The following NPHP4 variants were observed in gnomAD, a reference collection of about 807,000 sequenced individuals.
NPHP4 encodes the protein nephrocystin-4.
A neutral mutation model predicts 155.8 loss-of-function variants in NPHP4; 151 were observed. The ratio of observed to expected loss-of-function variants is 0.97; its 90% CI spans 0.85 to 1.11. NPHP4 has a LOEUF of 1.11. NPHP4 is among the 50% of genes least tolerant of loss of function. The pLI, the probability that NPHP4 is intolerant of heterozygous loss-of-function variation, is 0.00. For missense variants in NPHP4, 1,956 were observed against 1,925.7 expected (o/e 1.02, Z -0.29); for synonymous variants, 845 against 816.8 (o/e 1.03, Z -0.59).
At chr1:5,986,442 C>T in intron 1 of NPHP4, 115 bp from the exon 2 acceptor site, 1 of 820,408 alleles carries the variant, frequency 1.2e-6, no homozygotes. Context: ...CCCCCAAACC[C>T]ACACTCTGCA....
At chr1:5,941,110 A>G (rs1009669612) in intron 9 of NPHP4, among the ~76,000 whole-genome samples, 2 of 152,162 alleles carry the variant, frequency 1.3e-5, no homozygotes, top group Non-Finnish European at 2.9e-5. Flanking sequence ...AGGGCAGCCC[A>G]TGAGAGTAAA....
intron 16 of NPHP4, among the ~76,000 whole-genome samples, chr1:5,895,360 C>T (rs1395258575): frequency 6.6e-6 from 1 of 151,862 alleles, no homozygotes; most frequent in African/African-American, 2.4e-5. Context: ...ATTAGCTGGG[C>T]ATGGTGGCAG....
chr1:5,894,766 A>G (rs568311609), intron 16 of NPHP4, among the ~76,000 whole-genome samples: 8 of 152,350 alleles, frequency 5.3e-5, no homozygotes, highest in African/African-American at 1.9e-4. Context: ...CACAAAATTT[A>G]ATCAATTAGA....
chr1:5,973,007 C>G (rs757175775), intron 3 of NPHP4, among the ~76,000 whole-genome samples: 5 of 152,322 alleles, frequency 3.3e-5, no homozygotes, highest in South Asian at 2.1e-4. Flanking sequence ...GCCTCAGCCT[C>G]CCAAGTAGCT....
chr1:5,878,430 G>T (rs1318108667), intron 19 of NPHP4, among the ~76,000 whole-genome samples: 1 of 152,224 alleles, frequency 6.6e-6, no homozygotes. Flanking sequence ...TGGGGCCTGC[G>T]CAAGTTGGGG....
intron 5 of NPHP4, among the ~76,000 whole-genome samples, chr1:5,964,931 A>ATTTTT (rs1188241159): frequency 1.7e-4 from 4 of 23,892 alleles, no homozygotes; most frequent in African/African-American, 7.3e-4. Flanking sequence ...ATATATATAT[A>ATTTTT]TATATATATA....
At chr1:5,927,868 C>G (rs1646090899) in intron 10 of NPHP4, 81 bp from the exon 11 acceptor site, 1 of 1,446,678 alleles carries the variant, frequency 6.9e-7, no homozygotes, top group African/African-American at 1.4e-5. Context: ...GAACAGCAGG[C>G]TCTGCCCTAA....
In NPHP4 at chr1:5,962,779, C is replaced by T. The variant is rs550780783; in HGVS notation, c.518-830G>A. Among the ~76,000 whole-genome samples, 397 of 152,336 alleles carry T rather than the reference C, an allele frequency of 2.6e-3. 3 individuals are homozygous for T. Among genetic ancestry groups the T allele is most frequent in the Non-Finnish European group, 2.8e-3 (188 of 68,042 alleles). On this transcript the variant is annotated intron_variant, in intron 5 of 29. Transcript: ENST00000378156. ...GGAGAAATGACACCCGGGAGGAGTG[C>T]GGCTACACCGCAGGGCGGGCAGGCC...
intron 18 of NPHP4, 29 bp from the exon 19 acceptor site, chr1:5,880,268 A>C (rs776146522): frequency 6.2e-7 from 1 of 1,610,848 alleles, no homozygotes; most frequent in Non-Finnish European, 8.5e-7. Context: ...AACATAAGAC[A>C]TGAACCCCAA....
intron 11 of NPHP4, among the ~76,000 whole-genome samples, chr1:5,914,755 T>C (rs966627000): frequency 9.9e-5 from 15 of 152,140 alleles, no homozygotes; most frequent in African/African-American, 3.1e-4. Context: ...GTGGTCTTCA[T>C]TGAGATGTCT....
At chr1:5,863,450 C>T in intron 29 of NPHP4, 45 bp from the exon 30 acceptor site, 1 of 1,600,812 alleles carries the variant, frequency 6.2e-7, no homozygotes, top group Non-Finnish European at 8.5e-7. Context: ...CCGGGCTGTC[C>T]CACGCTCTCA....
chr1:5,867,847 G>A lies in NPHP4; in HGVS notation c.3365C>T (p.Thr1122Ile). 2.5e-6 allele frequency: 4 copies of A among 1,613,902 alleles called. No individual in the cohort carries two copies. The highest frequency in any genetic ancestry group is 3.4e-6 in the Non-Finnish European group (4 of 1,179,848). ...CACCACGTGGGGCTGCAGCTCCACAGTCAGGCAGAGCACGGCGATGGGCTT... is the reference window on the plus strand; with the variant it reads ...CACCACGTGGGGCTGCAGCTCCACAATCAGGCAGAGCACGGCGATGGGCTT... Reference protein sequence around the residue: ...GGKPIAVLCLTVELQPHVVDQ... With the variant: ...GGKPIAVLCLIVELQPHVVDQ... The change falls in exon 24 of 30, where the codon ACT becomes ATT. Residue 1122 changes from threonine (T) to isoleucine (I), a missense_variant. Coordinates refer to ENST00000378156, the MANE Select transcript of NPHP4 (RefSeq NM_015102.5). The surrounding 1 kb of genome is among the most constrained non-coding windows in gnomAD (Gnocchi z 4.1).
At chr1:5,961,265 G>A (rs1457299039) in intron 6 of NPHP4, among the ~76,000 whole-genome samples, 2 of 152,208 alleles carry the variant, frequency 1.3e-5, no homozygotes, top group African/African-American at 4.8e-5. Context: ...GGAATAGGGA[G>A]TCAGTGTGGA....
At chr1:5,931,639 C>A (rs1287103269) in intron 10 of NPHP4, among the ~76,000 whole-genome samples, 1 of 145,928 alleles carries the variant, frequency 6.9e-6, no homozygotes, top group Non-Finnish European at 1.5e-5. Flanking sequence ...GAGGCTGAGC[C>A]AGAAGAATCG....
intron 9 of NPHP4, among the ~76,000 whole-genome samples, chr1:5,935,749 C>A (rs1018108167): frequency 6.6e-6 from 1 of 152,154 alleles, no homozygotes; most frequent in African/African-American, 2.4e-5. Context: ...GTTGTAGGCA[C>A]CTGTAATCCC....
Position 5,969,135 on chromosome 1 carries a change from A to T in NPHP4, c.404T>A (p.Ile135Asn). The T allele has an allele frequency of 6.4e-7, 1 of 1,551,850 alleles. No homozygotes were observed. The highest frequency in any genetic ancestry group is 1.2e-5 in the South Asian group (1 of 84,082). Residue 135 changes from isoleucine (I) to asparagine (N), a missense_variant, in exon 4 of 30, where the codon ATC (isoleucine) becomes AAC (asparagine). Transcript: ENST00000378156. ...AGGAGAGTCCGGCTGGTTGCTGAAG[A>T]TCCGAAGAATTCCAAACCCACAGGA... ...TLSCGFGILR[I>N]FSNQPDSPIS...
chr1:5,863,320 T>C lies in NPHP4; in HGVS notation c.4226A>G (p.Asn1409Ser), dbSNP rs1441161992. ...CTCTTCGTTTTTGTCCTCATGGTCA[T>C]TGATGTAGATCAGGATCTCCTCCTC... The part of the protein sequence containing the change: ...VGEEEILIYI[N>S]DHEDKNEEAF... Residue 1409 changes from asparagine to serine, a missense_variant, in exon 30 of 30, where the codon AAT becomes AGT. Physicochemically the swap from Asn to Ser is conservative, Grantham distance 46. Coordinates refer to ENST00000378156, the MANE Select transcript of NPHP4 (RefSeq NM_015102.5). 6.2e-7 allele frequency: 1 copy of C among 1,614,036 alleles called. No individual in the cohort carries two copies. The highest frequency in any genetic ancestry group is 1.7e-5 in the Admixed American group (1 of 60,030).
chr1:5,887,110 C>A, intron 18 of NPHP4, 176 bp downstream of exon 18: 1 of 627,738 alleles, frequency 1.6e-6, no homozygotes, highest in Non-Finnish European at 2.8e-6. Context: ...ACAACTGGGT[C>A]CAGGACAGAC....
intron 9 of NPHP4, 73 bp from the exon 10 acceptor site, chr1:5,933,402 C>T: frequency 1.6e-6 from 2 of 1,240,838 alleles, no homozygotes; most frequent in African/African-American, 3.0e-5. Flanking sequence ...ATCAACAGTG[C>T]TTTCATGTGT....
Sources: allele counts gnomAD v4.1 joint callset (sites outside exome capture counted in the v4.1 genomes callset), GRCh38; gene constraint gnomAD v4.1.1; non-coding constraint Gnocchi (gnomAD v3.1); transcripts MANE v1.5; gene names NCBI Gene and HGNC (gene_info 2026-07-23, HGNC 2026-07-21).